Variants in MAP1S observed in about 807,000 individuals in gnomAD.
MAP1S encodes microtubule associated protein 1S, also known as microtubule-associated protein 1S.
In MAP1S, 27 loss-of-function variants were observed where a neutral mutation model predicts 60.9. The ratio of observed to expected loss-of-function variants is 0.44; its 90% CI spans 0.33 to 0.61. The LOEUF is 0.61. Among genes scored for constraint, MAP1S ranks in the 20% least tolerant of loss-of-function variants. MAP1S has a pLI of 0.03. For synonymous variants in MAP1S, 826 were observed against 694.2 expected, an observed-to-expected ratio of 1.19 and a Z score of -2.98; for missense variants, 1,608 against 1,486.6, an observed-to-expected ratio of 1.08 and a Z score of -1.34.
In MAP1S at chr19:17,726,278, C is replaced by T. The variant is rs1353632814; in HGVS notation, c.894C>T (p.Leu298=). The T allele has an allele frequency of 6.2e-7, 1 of 1,606,794 alleles. No individual in the cohort carries two copies. Among genetic ancestry groups the T allele is most frequent in the Non-Finnish European group, 8.5e-7 (1 of 1,177,534 alleles). The part of the protein sequence containing the change: ...VLVTHPGADS[L]PGLNSLLRRK... The stretch of plus-strand genomic sequence containing the variant: ...TGACCCACCCTGGCGCCGACAGCCT[C>T]CCCGGCCTCAACAGCCTGCTGCGGC... Residue 298 remains leucine, a synonymous_variant, in exon 5 of 7, where the codon CTC becomes CTT. Coordinates refer to ENST00000324096, the MANE Select transcript of MAP1S (RefSeq NM_018174.6).
At chr19:17,723,742 C>T (rs1001551699) in intron 2 of MAP1S, among the ~76,000 whole-genome samples, 2 of 151,994 alleles carry the variant, frequency 1.3e-5, no homozygotes, top group Non-Finnish European at 2.9e-5. Context: ...CCTGGCTACT[C>T]GGGAGGCTGA....
At position 17,727,971 on chromosome 19, in the gene MAP1S, C is replaced by G; in HGVS notation, c.2587C>G (p.Arg863Gly). The change falls in exon 5 of 7, where the codon CGG becomes GGG. Residue 863 changes from arginine (R) to glycine (G), a missense_variant. Arg to Gly is a moderately radical substitution (Grantham distance 125). Around this residue, in one of 4 missense-constraint regions of MAP1S, gnomAD observed 1,167 missense variants for 961.4 expected, o/e 1.21. Transcript: ENST00000324096. This position sits in a 1 kb window ranked among gnomAD's most constrained non-coding sequence, Gnocchi z 4.1. Reference protein sequence around the residue: ...ARQTENVSRTRKPLARPNSRA... With the variant: ...ARQTENVSRTGKPLARPNSRA... ...GCAAACGGAGAACGTCAGCCGCACCCGGAAGCCCCTGGCCCGCCCCAACTC... is the reference window on the plus strand; with the variant it reads ...GCAAACGGAGAACGTCAGCCGCACCGGGAAGCCCCTGGCCCGCCCCAACTC... 1 of 1,608,906 alleles carries G rather than the reference C, an allele frequency of 6.2e-7. No homozygotes were observed. Among genetic ancestry groups the G allele is most frequent in the Non-Finnish European group, 8.5e-7 (1 of 1,177,602 alleles).
chr19:17,728,177 G>A lies in MAP1S; in HGVS notation c.2788+5G>A. On this transcript the variant is annotated splice_donor_5th_base_variant and intron_variant, in intron 5 of 6. Transcript: ENST00000324096. ...CTGCCACTCGAGGCCCGTCGGGTGA[G>A]TACTGGAGCTGGGGCCCTGGGCTGG... 1 of 1,566,484 alleles carries A rather than the reference G, an allele frequency of 6.4e-7. No homozygotes were observed. The highest frequency in any genetic ancestry group is 8.7e-7 in the Non-Finnish European group (1 of 1,153,046).
chr19:17,734,390 C>T lies in MAP1S; in HGVS notation c.3142C>T (p.Gln1048Ter). 2 of 1,613,366 alleles carry T rather than the reference C, an allele frequency of 1.2e-6. No individual in the cohort carries two copies. The highest frequency in any genetic ancestry group is 8.5e-7 in the Non-Finnish European group (1 of 1,179,942). The change falls in exon 7 of 7, where the codon CAG becomes TAG. Residue 1048 changes from glutamine (Q) to a stop codon, truncating the protein, a stop_gained. Transcript: ENST00000324096. LOFTEE classifies it high-confidence loss of function. ...VLGSNSMVSM[Q>*]DDAFPACKVE... Reference sequence around the variant, plus strand: ...GGGCAGCAACAGCATGGTGTCCATGCAGGATGACGCCTTCCCGGCCTGCAA... The same window carrying T: ...GGGCAGCAACAGCATGGTGTCCATGTAGGATGACGCCTTCCCGGCCTGCAA...
At chr19:17,720,200 C>T in intron 1 of MAP1S, 6 of 1,362,474 alleles carry the variant, frequency 4.4e-6, no homozygotes, top group Non-Finnish European at 5.7e-6. Flanking sequence ...CCACTTGGCT[C>T]AGTGGGACTG....
In MAP1S at chr19:17,725,338, C is replaced by A; in HGVS notation, c.444+149C>A. 3 of 965,874 alleles carry A rather than the reference C, an allele frequency of 3.1e-6. No homozygotes were observed. Among genetic ancestry groups the A allele is most frequent in the Non-Finnish European group, 4.5e-6 (3 of 664,592 alleles). 59.8% of individuals were successfully genotyped at this position (965,874 alleles called of 1,614,324 possible). On this transcript the variant is annotated intron_variant, in intron 4 of 6. Coordinates refer to ENST00000324096, the MANE Select transcript of MAP1S (RefSeq NM_018174.6). The surrounding 1 kb of genome is among the most constrained non-coding windows in gnomAD (Gnocchi z 4.2). ...GGCAGTGGTGACACATGCCTCCTGG[C>A]TGTCTGGGGTCAGTCCCATTGCCCG...
rs2080427427 is a variant in MAP1S, at chr19:17,726,652, C to T, written c.1268C>T (p.Pro423Leu). 4 of 1,578,650 alleles carry T rather than the reference C, an allele frequency of 2.5e-6. No homozygotes were observed. The highest frequency in any genetic ancestry group is 3.4e-6 in the Non-Finnish European group (4 of 1,166,542). The change falls in exon 5 of 7, where the codon CCC becomes CTC. Residue 423 changes from proline (P) to leucine (L), a missense_variant. Around this residue, in one of 4 missense-constraint regions of MAP1S, gnomAD observed 1,167 missense variants for 961.4 expected, o/e 1.21. Coordinates refer to ENST00000324096, the MANE Select transcript of MAP1S (RefSeq NM_018174.6). ...CALLVWHPAG[P>L]GEKVVRVLFP... ...CTGCTGGTGTGGCACCCCGCCGGCC[C>T]CGGCGAGAAGGTGGTGCGCGTGCTG...
Position 17,727,394 on chromosome 19 carries a change from C to G in MAP1S, c.2010C>G (p.Pro670=), listed in dbSNP as rs1337030350. ...GGGAGGCCGGGCCAGACGCCTCACC[C>G]ACAGTGACCACACCCACGGTGACCA... is the stretch of plus-strand genomic sequence containing the variant. ...RGGEAGPDAS[P]TVTTPTVTTP... Residue 670 remains proline (P), a synonymous_variant, in exon 5 of 7, where the codon CCC becomes CCG. Transcript: ENST00000324096. The surrounding 1 kb of genome is among the most constrained non-coding windows in gnomAD (Gnocchi z 4.1). The G allele has an allele frequency of 6.3e-7, 1 of 1,595,524 alleles. No homozygotes were observed. The highest frequency in any genetic ancestry group is 1.1e-5 in the South Asian group (1 of 89,446).
chr19:17,728,348 C>T (rs1599464503), intron 5 of MAP1S, among the ~76,000 whole-genome samples, 176 bp downstream of exon 5: 1 of 152,200 alleles, frequency 6.6e-6, no homozygotes, highest in African/African-American at 2.4e-5. Flanking sequence ...CAATGGGGCT[C>T]AAGCCACCCT....
At chr19:17,721,158 A>G (rs1314580470) in intron 2 of MAP1S, 121 bp downstream of exon 2, 2 of 820,196 alleles carry the variant, frequency 2.4e-6, no homozygotes, top group African/African-American at 3.4e-5. Flanking sequence ...TACAGTTGAG[A>G]CCTTTCAAAT....
chr19:17,725,273 G>C lies in MAP1S; in HGVS notation c.444+84G>C, dbSNP rs2080407569. 1 of 1,491,308 alleles carries C rather than the reference G, an allele frequency of 6.7e-7. No homozygotes were observed. The highest frequency in any genetic ancestry group is 2.1e-5 in the Admixed American group (1 of 47,324). 92.4% of individuals were successfully genotyped at this position (1,491,308 alleles called of 1,614,324 possible). A position where few individuals can be genotyped will look rare whatever the true frequency, so the allele number is the denominator to read the frequency against. ...TCAGGCTGTGTGGCACCAGCGACCT[G>C]CTGTTTTCCATGGCCTGGTCTCCCC... On this transcript the variant is annotated intron_variant, in intron 4 of 6. Coordinates refer to ENST00000324096, the MANE Select transcript of MAP1S (RefSeq NM_018174.6). This position sits in a 1 kb window ranked among gnomAD's most constrained non-coding sequence, Gnocchi z 4.2.
At chr19:17,722,784 A>AG (rs2080382714) in intron 2 of MAP1S, among the ~76,000 whole-genome samples, 1 of 88,572 alleles carries the variant, frequency 1.1e-5, no homozygotes, top group South Asian at 4.3e-4. Flanking sequence ...GGAGGGAGGG[A>AG]GGGGGAGAGG....
chr19:17,720,118 G>T, intron 1 of MAP1S: 3 of 1,251,274 alleles, frequency 2.4e-6, no homozygotes, highest in South Asian at 2.3e-5. Context: ...GGTGTGGGCG[G>T]GTGCGGCCTG....
chr19:17,720,508 G>C, intron 1 of MAP1S: 1 of 1,511,560 alleles, frequency 6.6e-7, no homozygotes, highest in South Asian at 1.3e-5. Context: ...GGAAGGATGA[G>C]AAGGCTGCAA....
In MAP1S at chr19:17,725,015, G is replaced by A; in HGVS notation, c.304-34G>A. On this transcript the variant is annotated intron_variant, in intron 3 of 6. Coordinates refer to ENST00000324096, the MANE Select transcript of MAP1S (RefSeq NM_018174.6). This position sits in a 1 kb window ranked among gnomAD's most constrained non-coding sequence, Gnocchi z 4.2. ...GGACTGCTGGATACGTCACTGCACA[G>A]AACGGGTCCTTTAGTGTTCACCCCC... The A allele has an allele frequency of 6.2e-7, 1 of 1,614,068 alleles. No individual in the cohort carries two copies. The highest frequency in any genetic ancestry group is 8.5e-7 in the Non-Finnish European group (1 of 1,179,976).
In MAP1S at chr19:17,725,304, CTG is replaced by C. The variant is rs1471884694; in HGVS notation, c.444+117_444+118del. On this transcript the variant is annotated intron_variant, in intron 4 of 6. Transcript: ENST00000324096. This position sits in a 1 kb window ranked among gnomAD's most constrained non-coding sequence, Gnocchi z 4.2. ...TTCCATGGCCTGGTCTCCCCATCCT[CTG>C]TAGGATGGCAGTGGTGACACATGCC... 8.0e-7 allele frequency: 1 copy of C among 1,257,046 alleles called. No individual in the cohort carries two copies. Among genetic ancestry groups the C allele is most frequent in the African/African-American group, 1.5e-5 (1 of 66,338 alleles). The allele number at this position is 1,257,046 out of a possible 1,614,324, so 77.9% of individuals were successfully genotyped here. A position where few individuals can be genotyped will look rare whatever the true frequency, so the allele number is the denominator to read the frequency against.
rs1011820536 is a variant in MAP1S at position 17,725,775 on chromosome 19, G to A, written c.445-54G>A. On this transcript the variant is annotated intron_variant, in intron 4 of 6. Coordinates refer to ENST00000324096, the MANE Select transcript of MAP1S (RefSeq NM_018174.6). This position sits in a 1 kb window ranked among gnomAD's most constrained non-coding sequence, Gnocchi z 4.2. Reference sequence around the variant, plus strand: ...GGTGTCCTCGCCCAGTTTTCCCACCGGGCTAGGTGTTGCCTGGCTCTAGGT... The same window carrying A: ...GGTGTCCTCGCCCAGTTTTCCCACCAGGCTAGGTGTTGCCTGGCTCTAGGT... 12 of 1,537,670 alleles carry A rather than the reference G, an allele frequency of 7.8e-6. No homozygotes were observed. Among genetic ancestry groups the A allele is most frequent in the African/African-American group, 4.1e-5 (3 of 72,574 alleles).
chr19:17,725,064 T>C lies in MAP1S; in HGVS notation c.319T>C (p.Leu107=). Residue 107 remains leucine (L), a synonymous_variant, in exon 4 of 7, where the codon TTG becomes CTG. Transcript: ENST00000324096. This position sits in a 1 kb window ranked among gnomAD's most constrained non-coding sequence, Gnocchi z 4.2. ...CCTCCCTCAGCTCCGGAACCTTCTG[T>C]TGGACCCTGCCTCTCACAAGCTACT... The part of the protein sequence containing the change: ...SLYDELRNLL[L]DPASHKLLVL... The C allele has an allele frequency of 6.2e-7, 1 of 1,614,142 alleles. No individual in the cohort carries two copies. Among genetic ancestry groups the C allele is most frequent in the Non-Finnish European group, 8.5e-7 (1 of 1,180,024 alleles).
chr19:17,730,882 C>CT (rs1291201186), intron 5 of MAP1S, among the ~76,000 whole-genome samples: 1 of 147,036 alleles, frequency 6.8e-6, no homozygotes, highest in African/African-American at 2.5e-5. Context: ...GATTTTTTTT[C>CT]TTTTTTCTTT....
Sources: gnomAD v4.1 joint callset for allele counts (sites outside exome capture counted in the v4.1 genomes callset) on GRCh38, gnomAD v4.1.1 for gene constraint, gnomAD v4.1.1 regional missense constraint, Gnocchi (gnomAD v3.1) non-coding constraint, MANE v1.5 for transcripts, NCBI Gene and HGNC (gene_info 2026-07-23, HGNC 2026-07-21) for gene names.